The following PLXNA4 variants were observed in gnomAD, a reference collection of about 807,000 sequenced individuals.
PLXNA4 encodes the protein plexin-A4.
PLXNA4 carries 44 observed loss-of-function variants against 191.8 expected under a neutral mutation model. That is an observed-to-expected ratio of 0.23 (90% CI 0.18 to 0.29). The LOEUF is 0.29. Ranked by LOEUF, PLXNA4 falls within the 10% of genes least tolerant of loss-of-function variation. The pLI is 1.00. For missense variants in PLXNA4, 1,800 were observed against 2,488.8 expected (o/e 0.72, Z 5.89); for synonymous variants, 1,082 against 1,009.5 (o/e 1.07, Z -1.36).
intron 3 of PLXNA4, among the ~76,000 whole-genome samples, chr7:132,363,509 C>T (rs912662856): frequency 1.3e-5 from 2 of 152,186 alleles, no homozygotes; most frequent in African/African-American, 4.8e-5. Context: ...TGTTGTAGCA[C>T]GTATCGGCAT....
chr7:132,385,158 A>G, intron 3 of PLXNA4: 1 of 1,613,008 alleles, frequency 6.2e-7, no homozygotes, highest in Non-Finnish European at 8.5e-7. Context: ...ACAACACACT[A>G]AATAAGCCTA....
intron 4 of PLXNA4, among the ~76,000 whole-genome samples, chr7:132,256,197 G>A (rs1476164955): frequency 6.6e-6 from 1 of 152,232 alleles, no homozygotes; most frequent in African/African-American, 2.4e-5. Flanking sequence ...GGGACATGAG[G>A]ATGCAGCCTC....
chr7:132,546,564 G>A (rs1326120642), intron 1 of PLXNA4, among the ~76,000 whole-genome samples: 2 of 152,234 alleles, frequency 1.3e-5, no homozygotes, highest in African/African-American at 2.4e-5. Flanking sequence ...CTCAGGAACA[G>A]AAGGGGGCAG....
chr7:132,507,168 T>C (rs1456001250), intron 2 of PLXNA4, among the ~76,000 whole-genome samples: 5 of 152,156 alleles, frequency 3.3e-5, no homozygotes, highest in African/African-American at 1.2e-4. Context: ...CACTGTGATC[T>C]AGACTCCAGC....
intron 3 of PLXNA4, among the ~76,000 whole-genome samples, chr7:132,431,526 AG>A (rs56186335): frequency 0.098 from 14,933 of 152,192 alleles, 1,224 homozygotes; most frequent in African/African-American, 0.2. Context: ...GGAGGAAGGG[AG>A]GGGGAAGACG....
intron 3 of PLXNA4, among the ~76,000 whole-genome samples, chr7:132,414,742 G>A (rs914821858): frequency 5.3e-5 from 8 of 152,274 alleles, no homozygotes; most frequent in Admixed American, 2.0e-4. Flanking sequence ...AAGAAGAACA[G>A]AGACACTGGC....
intron 2 of PLXNA4, among the ~76,000 whole-genome samples, chr7:132,502,593 C>A (rs1172910625): frequency 6.6e-6 from 1 of 152,138 alleles, no homozygotes; most frequent in Non-Finnish European, 1.5e-5. Context: ...AGTCCCTGCA[C>A]CAAGAACTGC....
rs898162970 is a variant in PLXNA4 at position 132,567,357 on chromosome 7, A to G, written c.-87+9065T>C. 2.7e-5 allele frequency among the ~76,000 whole-genome samples: 4 copies of G among 150,334 alleles called. No individual in the cohort carries two copies. The Admixed American group carries it at 2.7e-4, about 10-fold the overall frequency. ...CATAGTGAGTTTTACACAGAGAGAA[A>G]TAATTTAATTCCATGTGCATCCATG... On this transcript the variant is annotated intron_variant, in intron 1 of 31. Coordinates refer to ENST00000321063, the MANE Select transcript of PLXNA4 (RefSeq NM_020911.2).
At chr7:132,597,357 A>C (rs1802730211) in intron 2 of PLXNA4, among the ~76,000 whole-genome samples, 1 of 152,184 alleles carries the variant, frequency 6.6e-6, no homozygotes, top group Non-Finnish European at 1.5e-5. Flanking sequence ...TTGTGTCACT[A>C]TTCTATCACA....
intron 1 of PLXNA4, among the ~76,000 whole-genome samples, chr7:132,531,333 G>C (rs1416588708): frequency 6.6e-6 from 1 of 152,148 alleles, no homozygotes; most frequent in Non-Finnish European, 1.5e-5. Context: ...ACATGTTACA[G>C]ATTAATTAAT....
At chr7:132,180,923 G>C (rs1796682739) in intron 18 of PLXNA4, among the ~76,000 whole-genome samples, 191 bp from the exon 19 acceptor site, 1 of 152,228 alleles carries the variant, frequency 6.6e-6, no homozygotes, top group East Asian at 1.9e-4. Flanking sequence ...TGGCTAATCA[G>C]TTATCAAAGT....
intron 4 of PLXNA4, among the ~76,000 whole-genome samples, chr7:132,248,869 A>G (rs1261069061): frequency 6.6e-6 from 1 of 151,216 alleles, no homozygotes; most frequent in East Asian, 1.9e-4. Flanking sequence ...TTTTTTTTCT[A>G]CTTGGCAGCA....
At chr7:132,485,444 A>G (rs1797517509) in intron 3 of PLXNA4, among the ~76,000 whole-genome samples, 1 of 152,200 alleles carries the variant, frequency 6.6e-6, no homozygotes, top group South Asian at 2.1e-4. Context: ...ACTGAACAGC[A>G]GCCATAAAAA....
chr7:132,494,492 T>C (rs1006295921), intron 2 of PLXNA4, among the ~76,000 whole-genome samples: 2 of 152,140 alleles, frequency 1.3e-5, no homozygotes, highest in Admixed American at 1.3e-4. Context: ...GAACACAGCA[T>C]GTGCCTAGCA....
intron 3 of PLXNA4, among the ~76,000 whole-genome samples, chr7:132,484,591 C>T (rs1420702785): frequency 4.6e-5 from 7 of 152,180 alleles, no homozygotes; most frequent in Non-Finnish European, 1.0e-4. Context: ...CACACATGAA[C>T]CCATGGCAGC....
At chr7:132,444,632 G>A (rs891720606) in intron 3 of PLXNA4, among the ~76,000 whole-genome samples, 1 of 152,206 alleles carries the variant, frequency 6.6e-6, no homozygotes, top group African/African-American at 2.4e-5. Flanking sequence ...CTAAGTTCCA[G>A]TAACCCCAGG....
chr7:132,481,665 G>A (rs575931866), intron 3 of PLXNA4, among the ~76,000 whole-genome samples: 1 of 152,218 alleles, frequency 6.6e-6, no homozygotes, highest in South Asian at 2.1e-4. Flanking sequence ...CTAAGGAAAC[G>A]ACCCCTTCCT....
chr7:132,628,656 T>C (rs1803432032), intron 2 of PLXNA4, among the ~76,000 whole-genome samples: 2 of 152,130 alleles, frequency 1.3e-5, no homozygotes, highest in South Asian at 2.1e-4. Context: ...TTTCAGTCTC[T>C]AGGTTAATTT....
chr7:132,303,029 A>T (rs920506347), intron 3 of PLXNA4, among the ~76,000 whole-genome samples: 1 of 151,790 alleles, frequency 6.6e-6, no homozygotes, highest in Non-Finnish European at 1.5e-5. Flanking sequence ...GTCACCTACC[A>T]CCACGCCCAG....
Sources: gnomAD v4.1 joint callset for allele counts (sites outside exome capture counted in the v4.1 genomes callset) on GRCh38, gnomAD v4.1.1 for gene constraint, MANE v1.5 for transcripts, NCBI Gene and HGNC (gene_info 2026-07-23, HGNC 2026-07-21) for gene names.